Variants in LMNA observed in about 807,000 individuals in gnomAD.
LMNA encodes lamin.
In LMNA, 20 loss-of-function variants were observed where a neutral mutation model predicts 70.4. The observed-to-expected ratio is 0.28, with a 90% CI of 0.20 to 0.41. The LOEUF is 0.41. Among genes scored for constraint, LMNA ranks in the 10% least tolerant of loss-of-function variants. The probability of loss-of-function intolerance (pLI) is 1.00; values close to 1 mark genes in which losing one functional copy is unlikely to be tolerated. For missense variants in LMNA, 652 were observed against 917.2 expected (o/e 0.71, Z 3.73); for synonymous variants, 339 against 372.8 (o/e 0.91, Z 1.04).
chr1:156,135,116 A>G lies in LMNA; in HGVS notation c.811-71A>G, dbSNP rs1037561223. 4 of 1,612,194 alleles carry G rather than the reference A, an allele frequency of 2.5e-6. No homozygotes were observed. The African/African-American group carries it at 4.0e-5, about 16-fold the overall frequency. ...CCCAGGACCTGGGGCTGTAGCAGTG[A>G]TGCCCAACTCAGGCCTGTGCCTCCA... On this transcript the variant is annotated intron_variant, in intron 4 of 11. Transcript: ENST00000368300. The surrounding 1 kb of genome is among the most constrained non-coding windows in gnomAD (Gnocchi z 4.8).
intron 2 of LMNA, among the ~76,000 whole-genome samples, chr1:156,131,316 G>A (rs1297296485): frequency 6.6e-6 from 1 of 152,096 alleles, no homozygotes; most frequent in African/African-American, 2.4e-5. Flanking sequence ...GGCCATGTGT[G>A]GTGGCTCATG....
intron 2 of LMNA, among the ~76,000 whole-genome samples, chr1:156,086,722 C>T (rs891335099): frequency 2.0e-5 from 3 of 152,228 alleles, no homozygotes; most frequent in Non-Finnish European, 2.9e-5. Flanking sequence ...CCACTGCAAC[C>T]TCCGCCTCCT....
In LMNA at chr1:156,136,805, T is replaced by C; in HGVS notation, c.1381-116T>C. 1 of 830,568 alleles carries C rather than the reference T, an allele frequency of 1.2e-6. No homozygotes were observed. The highest frequency in any genetic ancestry group is 2.0e-6 in the Non-Finnish European group (1 of 497,030). 51.4% of individuals were successfully genotyped at this position (830,568 alleles called of 1,614,324 possible). On this transcript the variant is annotated intron_variant, in intron 7 of 11. Coordinates refer to ENST00000368300, the MANE Select transcript of LMNA (RefSeq NM_170707.4). This position sits in a 1 kb window ranked among gnomAD's most constrained non-coding sequence, Gnocchi z 6.1. ...GGAAGGGCAGTGACAGGGGTGTGTG[T>C]AGATGGAAGGAGAGGCCTCAATTGC...
Position 156,137,408 on chromosome 1 carries a change from A to G in LMNA, c.1608+176A>G. On this transcript the variant is annotated intron_variant, in intron 9 of 11. Transcript: ENST00000368300. The surrounding 1 kb of genome is among the most constrained non-coding windows in gnomAD (Gnocchi z 4.6). ...AACCAAAAGATGCTTCCTCAACAGCACAAGGGGTGGAAGTTAGACAGTGAG... is the reference window on the plus strand; with the variant it reads ...AACCAAAAGATGCTTCCTCAACAGCGCAAGGGGTGGAAGTTAGACAGTGAG... The G allele has an allele frequency of 2.3e-6, 2 of 854,148 alleles. No homozygotes were observed. The highest frequency in any genetic ancestry group is 3.7e-6 in the Non-Finnish European group (2 of 536,194). 52.9% of individuals were successfully genotyped at this position (854,148 alleles called of 1,614,324 possible).
intron 1 of LMNA, among the ~76,000 whole-genome samples, chr1:156,116,463 C>G (rs1221284838): frequency 6.6e-6 from 1 of 151,906 alleles, no homozygotes; most frequent in Non-Finnish European, 1.5e-5. Flanking sequence ...CCTTCCCTTT[C>G]TCTATGCAGA....
chr1:156,129,430 G>GTCTA (rs1650859497), intron 1 of LMNA, among the ~76,000 whole-genome samples: 2 of 152,144 alleles, frequency 1.3e-5, no homozygotes, highest in African/African-American at 4.8e-5. Context: ...TTGGAGTTTA[G>GTCTA]GACTTTTGTG....
intron 1 of LMNA, among the ~76,000 whole-genome samples, chr1:156,128,788 C>T (rs1650796569): frequency 6.6e-6 from 1 of 152,206 alleles, no homozygotes; most frequent in Non-Finnish European, 1.5e-5. Context: ...CCTTCTAGTT[C>T]TCTAAATTCT....
chr1:156,083,003 C>T (rs1245986921), exon 2 of LMNA: 1 of 152,282 alleles, frequency 6.6e-6, no homozygotes, highest in Admixed American at 6.5e-5. Context: ...AGACAAAGCC[C>T]GCAGCAGCGA....
Position 156,137,814 on chromosome 1 carries a change from C to T in LMNA, c.1698+71C>T. 1 of 1,544,766 alleles carries T rather than the reference C, an allele frequency of 6.5e-7. No individual in the cohort carries two copies. The highest frequency in any genetic ancestry group is 8.7e-7 in the Non-Finnish European group (1 of 1,145,862). On this transcript the variant is annotated intron_variant, in intron 10 of 11. Transcript: ENST00000368300. This position sits in a 1 kb window ranked among gnomAD's most constrained non-coding sequence, Gnocchi z 4.6. ...CAGCCAGGCCTGGGGGCAGCCTCTC[C>T]CCAGCCTCCCCGTGCCAAAAATCTT... is the stretch of plus-strand genomic sequence containing the variant.
Position 156,138,121 on chromosome 1 carries a change from G to A in LMNA, c.1699-367G>A. The A allele has an allele frequency of 3.8e-6, 2 of 521,364 alleles. No homozygotes were observed. The highest frequency in any genetic ancestry group is 6.9e-6 in the Non-Finnish European group (2 of 288,428). 32.3% of individuals were successfully genotyped at this position (521,364 alleles called of 1,614,324 possible). A position where few individuals can be genotyped will look rare whatever the true frequency, so the allele number is the denominator to read the frequency against. On this transcript the variant is annotated intron_variant, in intron 10 of 11. Transcript: ENST00000368300. This position sits in a 1 kb window ranked among gnomAD's most constrained non-coding sequence, Gnocchi z 5.5. ...TCCTCTCATTTCCCTCATTTTTCCT[G>A]CAAGAATGTTCTCTCTCATTCCTGA...
chr1:156,138,985 G>T lies in LMNA; in HGVS notation c.1969-95G>T. On this transcript the variant is annotated intron_variant, in intron 11 of 11. Coordinates refer to ENST00000368300, the MANE Select transcript of LMNA (RefSeq NM_170707.4). The surrounding 1 kb of genome is among the most constrained non-coding windows in gnomAD (Gnocchi z 5.5). ...GGGGCAGGGCTGGAGTGTGAGGGAT[G>T]GGGGAGATGCTACCTCCCTTCTAGG... 1.4e-6 allele frequency: 2 copies of T among 1,401,154 alleles called. No homozygotes were observed. The highest frequency in any genetic ancestry group is 2.0e-6 in the Non-Finnish European group (2 of 987,526). 86.8% of individuals were successfully genotyped at this position (1,401,154 alleles called of 1,614,324 possible).
chr1:156,100,738 A>G (rs979161336), intron 3 of LMNA, among the ~76,000 whole-genome samples: 3 of 151,956 alleles, frequency 2.0e-5, no homozygotes, highest in African/African-American at 7.3e-5. Flanking sequence ...TATGATGAGG[A>G]TACTCTACTC....
Position 156,136,514 on chromosome 1 carries a change from G to C in LMNA, c.1380+78G>C. On this transcript the variant is annotated intron_variant, in intron 7 of 11. Transcript: ENST00000368300. This position sits in a 1 kb window ranked among gnomAD's most constrained non-coding sequence, Gnocchi z 6.1. The stretch of plus-strand genomic sequence containing the variant: ...GCAAGACAGAAGGATGGCATGTGGA[G>C]AGAGGAACATCCTTGCCCTCAGAGG... The C allele has an allele frequency of 7.2e-7, 1 of 1,391,136 alleles. No homozygotes were observed. The highest frequency in any genetic ancestry group is 2.5e-5 in the East Asian group (1 of 40,314). 86.2% of individuals were successfully genotyped at this position (1,391,136 alleles called of 1,614,324 possible).
chr1:156,135,417 G>C lies in LMNA; in HGVS notation c.936+105G>C. 7.1e-7 allele frequency: 1 copy of C among 1,415,594 alleles called. No homozygotes were observed. Among genetic ancestry groups the C allele is most frequent in the South Asian group, 1.2e-5 (1 of 81,436 alleles). 87.7% of individuals were successfully genotyped at this position (1,415,594 alleles called of 1,614,324 possible). On this transcript the variant is annotated intron_variant, in intron 5 of 11. Coordinates refer to ENST00000368300, the MANE Select transcript of LMNA (RefSeq NM_170707.4). This position sits in a 1 kb window ranked among gnomAD's most constrained non-coding sequence, Gnocchi z 4.8. Reference sequence around the variant, plus strand: ...GGGGTGGGGGTGGGAGGTTCCTGAGGAGGAGAGGGATGAAAAGTGTCCCCA... The same window carrying C: ...GGGGTGGGGGTGGGAGGTTCCTGAGCAGGAGAGGGATGAAAAGTGTCCCCA...
intron 1 of LMNA, among the ~76,000 whole-genome samples, chr1:156,124,351 C>T (rs778922411): frequency 2.0e-5 from 3 of 151,970 alleles, no homozygotes; most frequent in Non-Finnish European, 4.4e-5. Context: ...TGCAGTGGCG[C>T]GATCTTGGCT....
At chr1:156,101,919 G>A (rs1180336117) in intron 3 of LMNA, among the ~76,000 whole-genome samples, 1 of 152,292 alleles carries the variant, frequency 6.6e-6, no homozygotes, top group East Asian at 1.9e-4. Flanking sequence ...GTGAAGCTGT[G>A]TGTTGGGAGA....
chr1:156,129,351 G>A (rs1650851607), intron 1 of LMNA, among the ~76,000 whole-genome samples: 1 of 152,156 alleles, frequency 6.6e-6, no homozygotes, highest in East Asian at 1.9e-4. Flanking sequence ...CACTGCCTGG[G>A]TCTCGTCCTC....
At chr1:156,133,013 G>T (rs1236902379) in intron 2 of LMNA, among the ~76,000 whole-genome samples, 5 of 151,452 alleles carry the variant, frequency 3.3e-5, no homozygotes, top group Non-Finnish European at 7.4e-5. Flanking sequence ...CTACTTTTTG[G>T]ATTTTTAGTA....
Position 156,139,604 on chromosome 1 carries a change from A to G in LMNA, c.*498A>G. 7.1e-7 allele frequency: 1 copy of G among 1,403,264 alleles called. No homozygotes were observed. Among genetic ancestry groups the G allele is most frequent in the Non-Finnish European group, 9.2e-7 (1 of 1,083,746 alleles). The allele number at this position is 1,403,264 out of a possible 1,614,324, so 86.9% of individuals were successfully genotyped here. A position where few individuals can be genotyped will look rare whatever the true frequency, so the allele number is the denominator to read the frequency against. ...CTCCGAGAGGGAGAGAGAGAGAGAGAGGACAGCTTGAGCCGGGCCCCTGGG... is the reference window on the plus strand; with the variant it reads ...CTCCGAGAGGGAGAGAGAGAGAGAGGGGACAGCTTGAGCCGGGCCCCTGGG... On this transcript the variant is annotated 3_prime_UTR_variant, in exon 12 of 12. Transcript: ENST00000368300.
Sources: allele counts gnomAD v4.1 joint callset (sites outside exome capture counted in the v4.1 genomes callset), GRCh38; gene constraint gnomAD v4.1.1; non-coding constraint Gnocchi (gnomAD v3.1); transcripts MANE v1.5; gene names NCBI Gene and HGNC (gene_info 2026-07-23, HGNC 2026-07-21).